SNTG2: variants seen among roughly 807,000 people sequenced by gnomAD.
SNTG2 encodes gamma-2-syntrophin.
In SNTG2, 74 loss-of-function variants were observed where a neutral mutation model predicts 70.9. The ratio of observed to expected loss-of-function variants is 1.04; its 90% CI spans 0.86 to 1.27. The LOEUF is 1.27. Among genes scored for constraint, SNTG2 ranks in the 50% most tolerant of loss-of-function variants. SNTG2 has a pLI of 0.00. For synonymous variants in SNTG2, 278 were observed against 273.8 expected (o/e 1.02, Z -0.15); for missense variants, 717 against 690.7 (o/e 1.04, Z -0.43).
chr2:1,165,916 C>T (rs1193190548), intron 7 of SNTG2, among the ~76,000 whole-genome samples: 1 of 152,174 alleles, frequency 6.6e-6, no homozygotes, highest in African/African-American at 2.4e-5. Context: ...GCAAACTCAC[C>T]ATGATTGTAT....
chr2:1,334,046 G>A (rs776533829), intron 16 of SNTG2, among the ~76,000 whole-genome samples: 8 of 152,224 alleles, frequency 5.3e-5, no homozygotes, highest in African/African-American at 1.9e-4. Flanking sequence ...CTATATATTC[G>A]ATAAAGGACT....
Position 1,367,388 on chromosome 2 carries a change from T to C in SNTG2, c.1534T>C (p.Ser512Pro), listed in dbSNP as rs1262112943. The part of the protein sequence containing the change: ...DLRAVLHCIH[S>P]FIAAKVASVD... ...GAGGGCTGTCCTGCACTGCATCCAC[T>C]CCTTCATAGCAGCCAAGGTGGCCTC... Residue 512 changes from serine (S) to proline (P), a missense_variant, in exon 17 of 17, where the codon TCC becomes CCC. Coordinates refer to ENST00000308624, the MANE Select transcript of SNTG2 (RefSeq NM_018968.4). 1 of 1,551,694 alleles carries C rather than the reference T, an allele frequency of 6.4e-7. No individual in the cohort carries two copies. Among genetic ancestry groups the C allele is most frequent in the Non-Finnish European group, 8.7e-7 (1 of 1,147,000 alleles).
rs1322405384 is a variant in SNTG2, at chr2:1,116,798, C to A, written c.325+18388C>A. Among the ~76,000 whole-genome samples, 44 of 116,710 alleles carry A rather than the reference C, an allele frequency of 3.8e-4. 1 individual carries two copies. The highest frequency in any genetic ancestry group is 7.0e-4 in the Admixed American group (8 of 11,476). The allele number at this position is 116,710 out of a possible 152,430, so 76.6% of individuals were successfully genotyped here. On this transcript the variant is annotated intron_variant, in intron 4 of 16. Transcript: ENST00000308624. ...TGTGGGTGCTCTGGTGTGTGGGTGC[C>A]CTGGTTTACGGGTTTCCTGGTCTGT...
At position 1,150,020 on chromosome 2, in the gene SNTG2, C is replaced by T. The variant is rs552903873; in HGVS notation, c.411+12211C>T. Among the ~76,000 whole-genome samples the T allele has an allele frequency of 5.3e-5, 8 of 152,284 alleles. No homozygotes were observed. The East Asian group carries it at 1.2e-3, about 22-fold the overall frequency. On this transcript the variant is annotated intron_variant, in intron 6 of 16. Transcript: ENST00000308624. ...ATTAGCTTTTCATTTGGCACTCCTC[C>T]GTTATTAAAATTGCACTCACAGATG... is the stretch of plus-strand genomic sequence containing the variant.
At chr2:1,261,709 T>G (rs62108065) in intron 13 of SNTG2, among the ~76,000 whole-genome samples, 14,131 of 152,190 alleles carry the variant, frequency 0.093, 720 homozygotes, top group South Asian at 0.15. Context: ...CAGAAGATCT[T>G]AGTAATGATA....
intron 11 of SNTG2, among the ~76,000 whole-genome samples, chr2:1,246,420 G>A (rs554258847): frequency 6.6e-6 from 1 of 152,288 alleles, no homozygotes; most frequent in East Asian, 1.9e-4. Context: ...GCTGTGACGG[G>A]ACTTACCTGG....
intron 1 of SNTG2, among the ~76,000 whole-genome samples, chr2:1,036,330 T>C (rs1661127337): frequency 6.6e-6 from 1 of 152,194 alleles, no homozygotes; most frequent in Non-Finnish European, 1.5e-5. Flanking sequence ...CTCTTATCTA[T>C]ACTCTGATAT....
intron 4 of SNTG2, among the ~76,000 whole-genome samples, chr2:1,132,550 G>A (rs1668094550): frequency 6.6e-6 from 1 of 152,226 alleles, no homozygotes; most frequent in South Asian, 2.1e-4. Context: ...AAAAGATCAT[G>A]TGTCATCGTG....
chr2:1,211,952 C>T (rs535218361), intron 9 of SNTG2, among the ~76,000 whole-genome samples: 3 of 152,304 alleles, frequency 2.0e-5, no homozygotes, highest in Admixed American at 2.0e-4. Context: ...CTAAGCCATT[C>T]ATACCACAAT....
At chr2:1,221,453 C>A (rs1265366438) in intron 9 of SNTG2, among the ~76,000 whole-genome samples, 1 of 131,476 alleles carries the variant, frequency 7.6e-6, no homozygotes, top group African/African-American at 3.2e-5. Flanking sequence ...GTCTCTGTCT[C>A]TCTCTGTCTC....
chr2:1,281,233 G>A (rs1679504355), intron 14 of SNTG2, among the ~76,000 whole-genome samples: 1 of 4,286 alleles, frequency 2.3e-4, no homozygotes. Context: ...GTGTTTATGT[G>A]GTGTGGTGTG....
intron 9 of SNTG2, among the ~76,000 whole-genome samples, chr2:1,216,981 C>G (rs544442571): frequency 6.6e-6 from 1 of 152,272 alleles, no homozygotes; most frequent in East Asian, 1.9e-4. Context: ...TCCCCTTCAC[C>G]CTTCACCCTT....
At position 1,015,744 on chromosome 2, in the gene SNTG2, C is replaced by T. The variant is rs141236197; in HGVS notation, c.72+64676C>T. On this transcript the variant is annotated intron_variant, in intron 1 of 16. Transcript: ENST00000308624. ...TCACATGCAGGTTTGTAAATCATTACAAATGTCTATGAGGATCAGTTCTCT... is the reference window on the plus strand; with the variant it reads ...TCACATGCAGGTTTGTAAATCATTATAAATGTCTATGAGGATCAGTTCTCT... Among the ~76,000 whole-genome samples the T allele has an allele frequency of 3.4e-3, 513 of 152,294 alleles. 4 individuals are homozygous for T. The highest frequency in any genetic ancestry group is 0.012 in the African/African-American group (493 of 41,562).
At chr2:1,324,580 GC>G (rs1218597217) in intron 16 of SNTG2, among the ~76,000 whole-genome samples, 2 of 152,128 alleles carry the variant, frequency 1.3e-5, no homozygotes, top group African/African-American at 4.8e-5. Context: ...TAAGTTGTAA[GC>G]AAATAATAAA....
rs1043201371 is a variant in SNTG2, at chr2:1,246,219, G to A, written c.889-1108G>A. Among the ~76,000 whole-genome samples, 7 of 152,294 alleles carry A rather than the reference G, an allele frequency of 4.6e-5. No individual in the cohort carries two copies. In the East Asian group the frequency reaches 7.7e-4, roughly 17 times the overall value. On this transcript the variant is annotated intron_variant, in intron 11 of 16. Coordinates refer to ENST00000308624, the MANE Select transcript of SNTG2 (RefSeq NM_018968.4). ...ACCATGATGATAGCTGTTCGGCTACGCGTCCCCGCCCTACAAGACAGTGCT... is the reference window on the plus strand; with the variant it reads ...ACCATGATGATAGCTGTTCGGCTACACGTCCCCGCCCTACAAGACAGTGCT...
At chr2:1,098,150 G>T (rs746307785) in intron 2 of SNTG2, 46 bp from the exon 3 acceptor site, 9 of 1,584,318 alleles carry the variant, frequency 5.7e-6, no homozygotes, top group Middle Eastern at 3.3e-4. Flanking sequence ...CTTTCTGATA[G>T]TGCATTTTAA....
intron 4 of SNTG2, among the ~76,000 whole-genome samples, chr2:1,121,345 TAAAG>T (rs1413583363): frequency 2.0e-5 from 3 of 150,984 alleles, no homozygotes; most frequent in Non-Finnish European, 4.4e-5. Flanking sequence ...AGAAATGAGA[TAAAG>T]AACAACAAAG....
intron 16 of SNTG2, among the ~76,000 whole-genome samples, chr2:1,333,867 C>CAA (rs1435082685): frequency 6.6e-6 from 1 of 152,158 alleles, no homozygotes; most frequent in African/African-American, 2.4e-5. Flanking sequence ...CTCTTCTAGA[C>CAA]ATTGGCTTAG....
intron 16 of SNTG2, among the ~76,000 whole-genome samples, chr2:1,365,582 G>A (rs932878981): frequency 2.6e-5 from 4 of 152,198 alleles, no homozygotes; most frequent in South Asian, 4.2e-4. Context: ...AGGCTGGCTC[G>A]CTGGCTCTCC....
Sources: gnomAD v4.1 joint callset for allele counts (sites outside exome capture counted in the v4.1 genomes callset) on GRCh38, gnomAD v4.1.1 for gene constraint, MANE v1.5 for transcripts, NCBI Gene and HGNC (gene_info 2026-07-23, HGNC 2026-07-21) for gene names.